Variants in GRM5 observed in about 807,000 individuals in gnomAD.
GRM5 encodes glutamate metabotropic receptor 5.
A neutral mutation model predicts 83.1 loss-of-function variants in GRM5; 19 were observed. The ratio of observed to expected loss-of-function variants is 0.23; its 90% CI spans 0.16 to 0.34. The LOEUF is 0.34. Ranked by LOEUF, GRM5 falls within the 10% of genes least tolerant of loss-of-function variation. The pLI is 1.00. For missense variants in GRM5, 1,160 were observed against 1,588.3 expected, an observed-to-expected ratio of 0.73 and a Z score of 4.58; for synonymous variants, 675 against 633.6, an observed-to-expected ratio of 1.07 and a Z score of -0.98.
At chr11:88,664,912 C>A (rs1940002052) in intron 3 of GRM5, among the ~76,000 whole-genome samples, 1 of 152,172 alleles carries the variant, frequency 6.6e-6, no homozygotes. Context: ...CAATCCCCCA[C>A]AGATACTAAG....
chr11:88,890,320 C>T (rs956554237), intron 2 of GRM5, among the ~76,000 whole-genome samples: 50 of 152,134 alleles, frequency 3.3e-4, no homozygotes, highest in African/African-American at 1.2e-3. Context: ...TTGCCTTCAG[C>T]TGTGCCTACT....
chr11:89,059,433 A>T (rs4753001), intron 1 of GRM5, among the ~76,000 whole-genome samples: 2 of 152,048 alleles, frequency 1.3e-5, no homozygotes, highest in Admixed American at 6.5e-5. Context: ...AGAGGAAGGG[A>T]TGCTGACTCA....
intron 2 of GRM5, among the ~76,000 whole-genome samples, chr11:88,976,085 G>C (rs1939327135): frequency 6.6e-6 from 1 of 152,084 alleles, no homozygotes; most frequent in African/African-American, 2.4e-5. Context: ...TATTTGATTA[G>C]TTAATTTGAT....
chr11:88,520,607 A>T (rs1941653994), intron 9 of GRM5, among the ~76,000 whole-genome samples: 1 of 152,146 alleles, frequency 6.6e-6, no homozygotes, highest in Non-Finnish European at 1.5e-5. Context: ...TACACTGCAG[A>T]TTTTCAAGGG....
Position 88,531,934 on chromosome 11 carries a change from C to T in GRM5, c.2631-6530G>A, listed in dbSNP as rs1301078538. Reference sequence around the variant, plus strand: ...GAGCACTTAAACTCGTTTTCCATTCCTAAGCTAGCTGTCATTCAGCTTAGT... The same window carrying T: ...GAGCACTTAAACTCGTTTTCCATTCTTAAGCTAGCTGTCATTCAGCTTAGT... On this transcript the variant is annotated intron_variant, in intron 8 of 9. Transcript: ENST00000305447. Among the ~76,000 whole-genome samples, 3 of 152,008 alleles carry T rather than the reference C, an allele frequency of 2.0e-5. No individual in the cohort carries two copies. In the East Asian group the frequency reaches 5.8e-4, roughly 29 times the overall value.
chr11:88,885,691 T>C (rs745671433), intron 2 of GRM5, among the ~76,000 whole-genome samples: 1 of 151,966 alleles, frequency 6.6e-6, no homozygotes, highest in Admixed American at 6.6e-5. Context: ...ATCTCCAGTC[T>C]CTTTGATATA....
chr11:88,874,344 AGTCTCCTTAATAAAGG>A (rs1225777319), intron 2 of GRM5, among the ~76,000 whole-genome samples: 3 of 151,880 alleles, frequency 2.0e-5, no homozygotes, highest in Admixed American at 1.3e-4. Context: ...GGGAAGGGAC[AGTCTCCTTAATAAAGG>A]GTGATGATAA....
chr11:88,720,058 C>T (rs1941497636), intron 3 of GRM5, among the ~76,000 whole-genome samples: 1 of 151,922 alleles, frequency 6.6e-6, no homozygotes, highest in South Asian at 2.1e-4. Context: ...TGTAGAAACT[C>T]TTTATTGCTT....
At chr11:88,772,116 A>G (rs1472039893) in intron 3 of GRM5, among the ~76,000 whole-genome samples, 1 of 151,762 alleles carries the variant, frequency 6.6e-6, no homozygotes, top group Non-Finnish European at 1.5e-5. Context: ...GTTTTGTTTT[A>G]CTTACTGTAT....
At chr11:88,807,032 G>C (rs1267044455) in intron 3 of GRM5, among the ~76,000 whole-genome samples, 3 of 152,052 alleles carry the variant, frequency 2.0e-5, no homozygotes, top group Non-Finnish European at 4.4e-5. Context: ...ACTTTCCCTA[G>C]GCTGTATTTG....
At chr11:88,916,916 A>G (rs643791) in intron 2 of GRM5, among the ~76,000 whole-genome samples, 145,638 of 152,120 alleles carry the variant, frequency 0.96, 69,802 homozygotes, top group East Asian at 0.99. Context: ...GGGAACCTGC[A>G]GCCCTGAAAT....
intron 2 of GRM5, among the ~76,000 whole-genome samples, chr11:88,944,785 C>T (rs1247721153): frequency 6.6e-6 from 1 of 151,806 alleles, no homozygotes; most frequent in East Asian, 1.9e-4. Flanking sequence ...CTGGAAATAT[C>T]CCCCTAGAGA....
chr11:88,665,090 GATCTTT>G (rs1023472628), intron 3 of GRM5, among the ~76,000 whole-genome samples: 2 of 151,494 alleles, frequency 1.3e-5, no homozygotes, highest in Admixed American at 6.6e-5. Context: ...TATTAAATGT[GATCTTT>G]AATACAAATC....
chr11:88,877,409 C>G (rs1025996392), intron 2 of GRM5, among the ~76,000 whole-genome samples: 1 of 152,008 alleles, frequency 6.6e-6, no homozygotes, highest in Non-Finnish European at 1.5e-5. Flanking sequence ...GCGACTCATA[C>G]ATTATTGGTG....
chr11:88,730,765 C>T (rs1038934710), intron 3 of GRM5, among the ~76,000 whole-genome samples: 32 of 151,924 alleles, frequency 2.1e-4, no homozygotes, highest in South Asian at 2.1e-4. Flanking sequence ...AACGAACACA[C>T]GAACAGAAAA....
At chr11:88,815,317 A>G (rs531504666) in intron 3 of GRM5, among the ~76,000 whole-genome samples, 2 of 152,262 alleles carry the variant, frequency 1.3e-5, no homozygotes, top group Admixed American at 6.5e-5. Flanking sequence ...TAAAACATTT[A>G]TAATAACTCA....
At chr11:88,539,278 A>G (rs1045156164) in intron 8 of GRM5, among the ~76,000 whole-genome samples, 5 of 152,208 alleles carry the variant, frequency 3.3e-5, no homozygotes, top group African/African-American at 1.2e-4. Context: ...TTTTTCTTAA[A>G]TAAAGCTCCC....
intron 3 of GRM5, among the ~76,000 whole-genome samples, chr11:88,828,081 T>C (rs1393425919): frequency 2.0e-5 from 3 of 152,016 alleles, no homozygotes; most frequent in Non-Finnish European, 4.4e-5. Context: ...GAACAGTAAG[T>C]GCAAAAGCCC....
At chr11:88,893,592 A>G (rs1380751694) in intron 2 of GRM5, among the ~76,000 whole-genome samples, 3 of 152,102 alleles carry the variant, frequency 2.0e-5, no homozygotes, top group Non-Finnish European at 4.4e-5. Flanking sequence ...ACTTATTCAA[A>G]AAAGAATGTT....
Sources: gnomAD v4.1 joint callset for allele counts (sites outside exome capture counted in the v4.1 genomes callset) on GRCh38, gnomAD v4.1.1 for gene constraint, MANE v1.5 for transcripts, NCBI Gene and HGNC (gene_info 2026-07-23, HGNC 2026-07-21) for gene names.